The following STARD13 variants were observed in gnomAD, a reference collection of about 807,000 sequenced individuals.
The protein encoded by STARD13 is stAR-related lipid transfer protein 13.
STARD13 carries 62 observed loss-of-function variants against 106.4 expected under a neutral mutation model. The observed-to-expected ratio is 0.58, with a 90% CI of 0.48 to 0.72. STARD13 has a LOEUF of 0.72. Among genes scored for constraint, STARD13 ranks in the 30% least tolerant of loss-of-function variants. The probability of loss-of-function intolerance (pLI) is 0.00; values close to 1 mark genes in which losing one functional copy is unlikely to be tolerated. For synonymous variants in STARD13, 565 were observed against 553.0 expected (o/e 1.02, Z -0.31); for missense variants, 1,387 against 1,424.0 (o/e 0.97, Z 0.42).
intron 3 of STARD13, among the ~76,000 whole-genome samples, chr13:33,157,354 C>A (rs916335144): frequency 6.6e-6 from 1 of 152,158 alleles, no homozygotes; most frequent in Non-Finnish European, 1.5e-5. Flanking sequence ...AAATGGCTTA[C>A]TGGCCTAACA....
chr13:33,596,762 C>G, the STARD13 span, among the ~76,000 whole-genome samples: 1 of 152,130 alleles, frequency 6.6e-6, no homozygotes, highest in Admixed American at 6.6e-5. Context: ...TTTTAAGCTC[C>G]CACATATGAG....
chr13:33,539,214 G>C, the STARD13 span, among the ~76,000 whole-genome samples: 1 of 152,164 alleles, frequency 6.6e-6, no homozygotes, highest in Non-Finnish European at 1.5e-5. Context: ...ACTTAACAAT[G>C]TATGTGCAAT....
downstream of STARD13, among the ~76,000 whole-genome samples, chr13:33,346,065 A>C (rs994363092): frequency 6.6e-6 from 1 of 152,190 alleles, no homozygotes; most frequent in African/African-American, 2.4e-5. Context: ...CAAACACTGC[A>C]ATTTCTGTCT....
At chr13:33,126,039 G>T (rs957004199) in intron 7 of STARD13, 42 bp downstream of exon 7, 3 of 1,606,008 alleles carry the variant, frequency 1.9e-6, no homozygotes, top group Non-Finnish European at 1.7e-6. Context: ...CAATCCCATG[G>T]TTGGGGGTGG....
At chr13:33,194,551 T>G (rs1886479093) in intron 1 of STARD13, among the ~76,000 whole-genome samples, 2 of 152,214 alleles carry the variant, frequency 1.3e-5, no homozygotes, top group Admixed American at 1.3e-4. Context: ...ACATCATATT[T>G]TAAGGTATTT....
At chr13:33,530,242 C>T in the STARD13 span, among the ~76,000 whole-genome samples, 2 of 151,958 alleles carry the variant, frequency 1.3e-5, no homozygotes, top group Non-Finnish European at 2.9e-5. Context: ...ACTCTTTAAC[C>T]ACCACCACAT....
At chr13:33,273,687 T>G (rs939995183) in intron 1 of STARD13, among the ~76,000 whole-genome samples, 1 of 152,230 alleles carries the variant, frequency 6.6e-6, no homozygotes, top group Non-Finnish European at 1.5e-5. Context: ...AATTAAAGTT[T>G]CTTAAATAAT....
intron 1 of STARD13, among the ~76,000 whole-genome samples, chr13:33,331,067 G>A (rs2138559136): frequency 6.6e-6 from 1 of 152,312 alleles, no homozygotes; most frequent in South Asian, 2.1e-4. Flanking sequence ...AAAATAATTT[G>A]CAGACTATCC....
chr13:33,112,862 T>A lies in STARD13; in HGVS notation c.2351A>T (p.Glu784Val), dbSNP rs1874817988. The stretch of plus-strand genomic sequence containing the variant: ...GAAACACAAGAGCGTCTGCAGGACC[T>A]CCCTGTTCTCATCGGCCAGTAGCAG... ...AILLLADENR[E>V]VLQTLLCFLN... The change falls in exon 9 of 14, where the codon GAG becomes GTG. Residue 784 changes from glutamate (E) to valine (V), a missense_variant. Coordinates refer to ENST00000336934, the MANE Select transcript of STARD13 (RefSeq NM_178006.4). The A allele has an allele frequency of 3.1e-6, 5 of 1,614,012 alleles. No homozygotes were observed. Among genetic ancestry groups the A allele is most frequent in the Non-Finnish European group, 4.2e-6 (5 of 1,179,932 alleles).
chr13:33,199,620 G>A (rs1055208823), intron 1 of STARD13, among the ~76,000 whole-genome samples: 3 of 152,218 alleles, frequency 2.0e-5, no homozygotes, highest in Non-Finnish European at 2.9e-5. Flanking sequence ...TTATTTTGGA[G>A]TTTGATCCTC....
At chr13:33,407,812 AT>A in the STARD13 span, among the ~76,000 whole-genome samples, 1 of 152,222 alleles carries the variant, frequency 6.6e-6, no homozygotes, top group African/African-American at 2.4e-5. Flanking sequence ...ACTCAGGGAT[AT>A]TGGTGGTAGC....
the STARD13 span, among the ~76,000 whole-genome samples, chr13:33,590,430 C>A: frequency 6.6e-6 from 1 of 151,784 alleles, no homozygotes; most frequent in East Asian, 1.9e-4. Context: ...GTCACAATAG[C>A]AAAGACTTGG....
chr13:33,137,848 C>G lies in STARD13; in HGVS notation c.387+4462G>C, dbSNP rs144959272. On this transcript the variant is annotated intron_variant, in intron 4 of 13. Coordinates refer to ENST00000336934, the MANE Select transcript of STARD13 (RefSeq NM_178006.4). The stretch of plus-strand genomic sequence containing the variant: ...GCCAAGTGAATGATGGACTTTCTCT[C>G]ATCTGACTGCTCTTTGGAGTTGCCA... Among the ~76,000 whole-genome samples the G allele has an allele frequency of 3.7e-3, 556 of 151,222 alleles. 5 individuals carry two copies. Among genetic ancestry groups the G allele is most frequent in the Middle Eastern group, 0.017 (5 of 292 alleles).
At chr13:33,499,585 CTT>C in the STARD13 span, among the ~76,000 whole-genome samples, 16 of 68,356 alleles carry the variant, frequency 2.3e-4, 1 homozygote, top group African/African-American at 6.6e-4. Flanking sequence ...TCTTCTTCTT[CTT>C]CTTCTTCTTC....
chr13:33,439,311 C>T, the STARD13 span, among the ~76,000 whole-genome samples: 6 of 152,186 alleles, frequency 3.9e-5, no homozygotes, highest in African/African-American at 1.4e-4. Context: ...CTCATATATG[C>T]CTTATTTTCA....
rs1399224448 is a variant in STARD13 at position 33,103,764 on chromosome 13, G to A, written c.*1829C>T. ...GGATCCCATCTCAGGAGCAGGACCAGTGTTTAGCTAGATTAAACTTCACTG... is the reference window on the plus strand; with the variant it reads ...GGATCCCATCTCAGGAGCAGGACCAATGTTTAGCTAGATTAAACTTCACTG... On this transcript the variant is annotated 3_prime_UTR_variant, in exon 14 of 14. Transcript: ENST00000336934. The A allele has an allele frequency of 6.6e-6, 1 of 152,284 alleles. No homozygotes were observed. The highest frequency in any genetic ancestry group is 2.4e-5 in the African/African-American group (1 of 41,460). The allele number at this position is 152,284 out of a possible 1,614,324, so 9.4% of individuals were successfully genotyped here. A position where few individuals can be genotyped will look rare whatever the true frequency, so the allele number is the denominator to read the frequency against.
the STARD13 span, among the ~76,000 whole-genome samples, chr13:33,457,018 G>A: frequency 6.6e-6 from 1 of 152,186 alleles, no homozygotes; most frequent in Non-Finnish European, 1.5e-5. Context: ...TTGCCCCCAG[G>A]GCAAAGGAAC....
the STARD13 span, among the ~76,000 whole-genome samples, chr13:33,387,970 G>A: frequency 1.3e-5 from 2 of 152,302 alleles, no homozygotes; most frequent in African/African-American, 4.8e-5. Context: ...AGATGCATCG[G>A]CCATATGGTG....
the STARD13 span, among the ~76,000 whole-genome samples, chr13:33,402,391 A>G: frequency 6.6e-6 from 1 of 152,262 alleles, no homozygotes. Flanking sequence ...AGAACTACTC[A>G]GTATATGAAA....
Sources: gnomAD v4.1 joint callset for allele counts (sites outside exome capture counted in the v4.1 genomes callset) on GRCh38, gnomAD v4.1.1 for gene constraint, MANE v1.5 for transcripts, NCBI Gene and HGNC (gene_info 2026-07-23, HGNC 2026-07-21) for gene names.